The following PROC variants were observed in gnomAD, a reference collection of about 807,000 sequenced individuals.
PROC encodes protein C, inactivator of coagulation factors Va and VIIIa.
A neutral mutation model predicts 36.3 loss-of-function variants in PROC; 22 were observed. The ratio of observed to expected loss-of-function variants is 0.61; its 90% CI spans 0.43 to 0.86. The LOEUF (loss-of-function observed/expected upper bound fraction) is 0.86, where lower values mean the gene tolerates loss of function less well. Ranked by LOEUF, PROC falls within the 40% of genes least tolerant of loss-of-function variation. PROC has a pLI of 0.00. For missense variants in PROC, 526 were observed against 629.7 expected (o/e 0.84, Z 1.76); for synonymous variants, 218 against 244.5 (o/e 0.89, Z 1.01).
intron 1 of PROC, chr2:127,419,600 G>A (rs1031843135): frequency 6.7e-5 from 28 of 419,458 alleles, no homozygotes; most frequent in African/African-American, 3.1e-4. Context: ...TCCAATCAAC[G>A]TTAGCTAATA....
At position 127,419,885 on chromosome 2, in the gene PROC, G is replaced by A. The variant is rs371995306; in HGVS notation, c.-21-37G>A. ...GGGGGTGCAGGCAGAGCAGCAGCGG[G>A]GGTAGGCACTGCCCGGAGCTCAGAA... On this transcript the variant is annotated intron_variant, in intron 1 of 8. Coordinates refer to ENST00000234071, the MANE Select transcript of PROC (RefSeq NM_000312.4). 5,841 of 1,613,528 alleles carry A rather than the reference G, an allele frequency of 3.6e-3. 20 individuals are homozygous for A. The highest frequency in any genetic ancestry group is 4.4e-3 in the Non-Finnish European group (5,193 of 1,179,828).
In PROC at chr2:127,423,150, G is replaced by C. The variant is rs771609822; in HGVS notation, c.379G>C (p.Glu127Gln). 1 of 1,598,764 alleles carries C rather than the reference G, an allele frequency of 6.3e-7. No homozygotes were observed. The highest frequency in any genetic ancestry group is 2.3e-5 in the East Asian group (1 of 44,026). The change falls in exon 5 of 9, where the codon GAG (glutamate) becomes CAG (glutamine). Residue 127 changes from glutamate (E) to glutamine (Q), a missense_variant. By Grantham distance (29) the Glu-to-Gln change is conservative. Transcript: ENST00000234071. ...CAGCTGCGACTGCCGCAGCGGCTGG[G>C]AGGGCCGCTTCTGCCAGCGCGGTGA... ...SFSCDCRSGW[E>Q]GRFCQREVSF...
chr2:127,420,925 G>A (rs1558711721), intron 2 of PROC, among the ~76,000 whole-genome samples: 1 of 152,236 alleles, frequency 6.6e-6, no homozygotes, highest in Non-Finnish European at 1.5e-5. Flanking sequence ...CTCTGGGCCA[G>A]GGACTGTATT....
chr2:127,421,221 C>A, intron 2 of PROC, 62 bp from the exon 3 acceptor site: 1 of 1,570,340 alleles, frequency 6.4e-7, no homozygotes, highest in African/African-American at 1.4e-5. Context: ...CAGACCCCCT[C>A]ATGGCCCCAG....
In PROC at chr2:127,423,244, C is replaced by T. The variant is rs777687270; in HGVS notation, c.401-30C>T. The T allele has an allele frequency of 4.6e-6, 7 of 1,534,408 alleles. No homozygotes were observed. In the South Asian group the frequency reaches 8.5e-5, roughly 19 times the overall value. ...CCGGGTTGGGGGCGCGGCACCAGCACCAGCTGCCCGCGCCCTCCCCTGCCC... is the reference window on the plus strand; with the variant it reads ...CCGGGTTGGGGGCGCGGCACCAGCATCAGCTGCCCGCGCCCTCCCCTGCCC... On this transcript the variant is annotated intron_variant, in intron 5 of 8. Transcript: ENST00000234071.
intron 8 of PROC, among the ~76,000 whole-genome samples, chr2:127,427,487 C>T (rs1177585688): frequency 6.6e-6 from 1 of 151,220 alleles, no homozygotes; most frequent in Non-Finnish European, 1.5e-5. Context: ...TGAGGGGCTA[C>T]ACAGACCTTC....
In PROC at chr2:127,419,763, T is replaced by C. The variant is rs1028592027; in HGVS notation, c.-21-159T>C. 1.9e-5 allele frequency: 29 copies of C among 1,492,572 alleles called. No homozygotes were observed. The African/African-American group carries it at 3.9e-4, about 20-fold the overall frequency. The allele number at this position is 1,492,572 out of a possible 1,614,324, so 92.5% of individuals were successfully genotyped here. ...CCACGTAGAGCGGGCAGCCGAGGCC[T>C]TCTGAGGCTATGTCTCTAGCGAACA... On this transcript the variant is annotated intron_variant, in intron 1 of 8. Transcript: ENST00000234071.
intron 6 of PROC, among the ~76,000 whole-genome samples, chr2:127,424,232 CTTG>C (rs917360483): frequency 1.1e-4 from 17 of 151,574 alleles, no homozygotes; most frequent in Admixed American, 7.9e-4. Context: ...GAGTTTCACT[CTTG>C]TTGTCCCAGG....
rs1448630830 is a variant in PROC, at chr2:127,421,411, G to A, written c.199G>A (p.Glu67Lys). The change falls in exon 3 of 9, where the codon GAG becomes AAG. Residue 67 changes from glutamate to lysine, a missense_variant. Coordinates refer to ENST00000234071, the MANE Select transcript of PROC (RefSeq NM_000312.4). The part of the protein sequence containing the change: ...RECIEEICDF[E>K]EAKEIFQNVD... The stretch of plus-strand genomic sequence containing the variant: ...GTGCATAGAGGAGATCTGTGACTTC[G>A]AGGAGGCCAAGGAAATTTTCCAAAA... 6 of 1,613,958 alleles carry A rather than the reference G, an allele frequency of 3.7e-6. No homozygotes were observed. Among genetic ancestry groups the A allele is most frequent in the South Asian group, 1.1e-5 (1 of 91,080 alleles).
rs768719609 is a variant in PROC at position 127,422,933 on chromosome 2, A to C, written c.254A>C (p.Lys85Thr). Residue 85 changes from lysine (K) to threonine (T), a missense_variant, in exon 4 of 9, where the codon AAG becomes ACG. Transcript: ENST00000234071. ...NVDDTLAFWSKHVDGDQCLVL... is the reference protein window; with the variant it reads ...NVDDTLAFWSTHVDGDQCLVL... ...TCTCCGCAGCTGGCCTTCTGGTCCA[A>C]GCACGTCGGTGAGTGCGTTCTAGAT... 1 of 1,586,502 alleles carries C rather than the reference A, an allele frequency of 6.3e-7. No homozygotes were observed. The highest frequency in any genetic ancestry group is 1.8e-5 in the Admixed American group (1 of 56,154).
At chr2:127,420,052 T>C (rs1384215757) in intron 2 of PROC, 40 bp downstream of exon 2, 1 of 1,602,000 alleles carries the variant, frequency 6.2e-7, no homozygotes, top group Non-Finnish European at 8.5e-7. Flanking sequence ...CCTTGTGGCC[T>C]CTACAAGGCC....
At chr2:127,428,296 G>C in intron 8 of PROC, 61 bp from the exon 9 acceptor site, 1 of 1,537,240 alleles carries the variant, frequency 6.5e-7, no homozygotes. Context: ...TGGGCCTCAG[G>C]AAAGTGCCAC....
chr2:127,423,802 A>G (rs1688298589), intron 6 of PROC, among the ~76,000 whole-genome samples: 1 of 152,266 alleles, frequency 6.6e-6, no homozygotes, highest in African/African-American at 2.4e-5. Flanking sequence ...TCCGGCGTGC[A>G]TCGCATTTCC....
In PROC at chr2:127,426,744, T is replaced by C. The variant is rs1688527378; in HGVS notation, c.679-361T>C. ...CCACAGCCAGGACGGCCCTTCAAGA[T>C]AGGGGCTGAGGGAGGCCCAAGGGGA... On this transcript the variant is annotated intron_variant, in intron 7 of 8. Transcript: ENST00000234071. This position sits in a 1 kb window ranked among gnomAD's most constrained non-coding sequence, Gnocchi z 7.0. Among the ~76,000 whole-genome samples, 1 of 151,942 alleles carries C rather than the reference T, an allele frequency of 6.6e-6. No homozygotes were observed. The highest frequency in any genetic ancestry group is 2.1e-4 in the South Asian group (1 of 4,826).
intron 8 of PROC, among the ~76,000 whole-genome samples, chr2:127,428,065 C>G (rs905470717): frequency 6.6e-6 from 1 of 152,228 alleles, no homozygotes; most frequent in Non-Finnish European, 1.5e-5. Flanking sequence ...CATTCCTTCT[C>G]TGGTCTCACG....
chr2:127,420,271 T>A (rs1281428656), intron 2 of PROC, among the ~76,000 whole-genome samples: 1 of 152,176 alleles, frequency 6.6e-6, no homozygotes, highest in Non-Finnish European at 1.5e-5. Flanking sequence ...CACACGGGGA[T>A]GGTCACAGAG....
chr2:127,423,261 C>A lies in PROC; in HGVS notation c.401-13C>A. On this transcript the variant is annotated splice_polypyrimidine_tract_variant and intron_variant, in intron 5 of 8. Transcript: ENST00000234071. ...CACCAGCACCAGCTGCCCGCGCCCT[C>A]CCCTGCCCGCAGAGGTGAGCTTCCT... is the stretch of plus-strand genomic sequence containing the variant. 4 of 1,544,718 alleles carry A rather than the reference C, an allele frequency of 2.6e-6. No homozygotes were observed. Among genetic ancestry groups the A allele is most frequent in the Non-Finnish European group, 3.5e-6 (4 of 1,144,852 alleles).
At chr2:127,423,495 G>C (rs577550298) in intron 6 of PROC, 87 bp downstream of exon 6, 21 of 1,494,382 alleles carry the variant, frequency 1.4e-5, no homozygotes, top group Non-Finnish European at 1.8e-5. Context: ...GGGGGGCTCA[G>C]GAGGGTTTCT....
Position 127,428,012 on chromosome 2 carries a change from T to G in PROC, c.797-345T>G, listed in dbSNP as rs2069932. 0.025 allele frequency among the ~76,000 whole-genome samples: 3,804 copies of G among 152,264 alleles called. 163 individuals carry two copies. Among genetic ancestry groups the G allele is most frequent in the African/African-American group, 0.087 (3,593 of 41,526 alleles). On this transcript the variant is annotated intron_variant, in intron 8 of 8. Coordinates refer to ENST00000234071, the MANE Select transcript of PROC (RefSeq NM_000312.4). ...GCTCCACGTTCCTTTGTGGCTCTGGTCTGTGTCTGGGGTTTCCAGGGGTCT... is the reference window on the plus strand; with the variant it reads ...GCTCCACGTTCCTTTGTGGCTCTGGGCTGTGTCTGGGGTTTCCAGGGGTCT...
Sources: allele counts gnomAD v4.1 joint callset (sites outside exome capture counted in the v4.1 genomes callset), GRCh38; gene constraint gnomAD v4.1.1; non-coding constraint Gnocchi (gnomAD v3.1); transcripts MANE v1.5; gene names NCBI Gene and HGNC (gene_info 2026-07-23, HGNC 2026-07-21).